ROBO1: variants seen among roughly 807,000 people sequenced by gnomAD.
ROBO1 encodes roundabout homolog 1.
Under a neutral mutation model 195.9 loss-of-function variants are expected in ROBO1, and 149 were observed. The observed-to-expected ratio is 0.76, with a 90% CI of 0.67 to 0.87. The LOEUF is 0.87. ROBO1 is among the 40% of genes least tolerant of loss of function. ROBO1 has a pLI of 0.00. For missense variants in ROBO1, 1,933 were observed against 2,068.3 expected, an observed-to-expected ratio of 0.93 and a Z score of 1.27; for synonymous variants, 816 against 733.2, an observed-to-expected ratio of 1.11 and a Z score of -1.82.
rs1442867790 is a variant in ROBO1 at position 78,668,471 on chromosome 3, C to T, written c.1630+13G>A. On this transcript the variant is annotated intron_variant, in intron 12 of 30. Coordinates refer to ENST00000464233, the MANE Select transcript of ROBO1 (RefSeq NM_002941.4). ...TAAGCTTCACTTTAAGGGAAACACA[C>T]CATTTACTTTACCTTGAACTTCAAT... 6.8e-6 allele frequency: 11 copies of T among 1,613,284 alleles called. No homozygotes were observed. The highest frequency in any genetic ancestry group is 8.5e-6 in the Non-Finnish European group (10 of 1,179,318).
chr3:79,111,372 G>A (rs1278061363), intron 3 of ROBO1, among the ~76,000 whole-genome samples: 1 of 152,110 alleles, frequency 6.6e-6, no homozygotes, highest in Non-Finnish European at 1.5e-5. Flanking sequence ...GGAATTAGCT[G>A]GATGGGTTCA....
chr3:79,335,397 C>T (rs1018430328), intron 2 of ROBO1, among the ~76,000 whole-genome samples: 19 of 152,078 alleles, frequency 1.2e-4, no homozygotes, highest in Admixed American at 3.9e-4. Context: ...GTGTCAAGGG[C>T]GGGACCAGGT....
chr3:79,406,558 TTGTG>T (rs1035447231), intron 2 of ROBO1, among the ~76,000 whole-genome samples: 1 of 151,398 alleles, frequency 6.6e-6, no homozygotes. Context: ...AAGAGATGCA[TTGTG>T]TGTGTGTGTG....
chr3:79,610,717 C>T lies in ROBO1; in HGVS notation c.-50-20756G>A, dbSNP rs943691959. Among the ~76,000 whole-genome samples the T allele has an allele frequency of 6.6e-5, 10 of 152,024 alleles. No homozygotes were observed. The East Asian group carries it at 1.9e-3, about 30-fold the overall frequency. ...ACTTTGCTAGTTAATACACTTTTGG[C>T]CTCAAGTGTCAGAAACCCAGCTCAA... is the stretch of plus-strand genomic sequence containing the variant. On this transcript the variant is annotated intron_variant, in intron 1 of 30. Transcript: ENST00000464233.
At chr3:79,232,771 T>G (rs2082343242) in intron 2 of ROBO1, among the ~76,000 whole-genome samples, 1 of 152,168 alleles carries the variant, frequency 6.6e-6, no homozygotes, top group African/African-American at 2.4e-5. Context: ...TCAAATCTGA[T>G]GAATATTTCA....
At chr3:79,574,166 T>C (rs1011352100) in intron 2 of ROBO1, among the ~76,000 whole-genome samples, 6 of 152,134 alleles carry the variant, frequency 3.9e-5, no homozygotes, top group African/African-American at 1.4e-4. Flanking sequence ...GATATATTCA[T>C]ATAAAATAAT....
intron 2 of ROBO1, among the ~76,000 whole-genome samples, chr3:79,163,874 C>T (rs1293328286): frequency 3.3e-5 from 5 of 152,100 alleles, no homozygotes; most frequent in Non-Finnish European, 1.5e-5. Context: ...TTCCAGCATC[C>T]CCTGATTCTA....
intron 4 of ROBO1, among the ~76,000 whole-genome samples, chr3:78,797,063 A>G (rs1211768463): frequency 2.0e-5 from 3 of 152,060 alleles, no homozygotes; most frequent in South Asian, 4.1e-4. Flanking sequence ...TACAGCTTCT[A>G]TATCTCTTCC....
In ROBO1 at chr3:78,648,223, T is replaced by C. The variant is rs534611850; in HGVS notation, c.2813-568A>G. Among the ~76,000 whole-genome samples the C allele has an allele frequency of 3.3e-5, 5 of 151,828 alleles. No homozygotes were observed. The South Asian group carries it at 8.3e-4, about 25-fold the overall frequency. ...AAGGAAAGGAAAGAAAAAGATGAAC[T>C]GAATAAAAGAGAACCATAAAATTTA... On this transcript the variant is annotated intron_variant, in intron 19 of 30. Transcript: ENST00000464233.
intron 2 of ROBO1, among the ~76,000 whole-genome samples, chr3:79,486,286 C>G (rs1939156917): frequency 6.6e-6 from 1 of 151,360 alleles, no homozygotes; most frequent in Admixed American, 6.6e-5. Flanking sequence ...TTTTGATCTC[C>G]TTGTGGTGTA....
intron 3 of ROBO1, among the ~76,000 whole-genome samples, chr3:78,962,965 T>C (rs1477085240): frequency 2.0e-5 from 3 of 151,844 alleles, no homozygotes; most frequent in Non-Finnish European, 4.4e-5. Context: ...TGCTGGGAAG[T>C]AGTTTAGCAG....
At chr3:79,438,784 C>CT (rs1284005848) in intron 2 of ROBO1, among the ~76,000 whole-genome samples, 6 of 151,956 alleles carry the variant, frequency 3.9e-5, no homozygotes, top group African/African-American at 1.4e-4. Context: ...CATTTTAAAC[C>CT]AATTAGGTCA....
chr3:79,114,830 C>T (rs1166649514), intron 3 of ROBO1, among the ~76,000 whole-genome samples: 9 of 152,230 alleles, frequency 5.9e-5, no homozygotes, highest in Admixed American at 5.9e-4. Flanking sequence ...CACCAAGGGA[C>T]CCATCATGCT....
chr3:79,599,755 T>C lies in ROBO1; in HGVS notation c.-50-9794A>G, dbSNP rs112660312. On this transcript the variant is annotated intron_variant, in intron 1 of 30. Coordinates refer to ENST00000464233, the MANE Select transcript of ROBO1 (RefSeq NM_002941.4). Reference sequence around the variant, plus strand: ...GGATATTATCTTCTTTCACTTTAATTACAGGGTTGCCTCAGGCAGAATTAG... The same window carrying C: ...GGATATTATCTTCTTTCACTTTAATCACAGGGTTGCCTCAGGCAGAATTAG... Among the ~76,000 whole-genome samples, 466 of 152,132 alleles carry C rather than the reference T, an allele frequency of 3.1e-3. 4 individuals are homozygous for C. The highest frequency in any genetic ancestry group is 9.7e-3 in the African/African-American group (402 of 41,552).
chr3:79,451,799 T>G (rs906046373), intron 2 of ROBO1, among the ~76,000 whole-genome samples: 2 of 151,844 alleles, frequency 1.3e-5, no homozygotes, highest in East Asian at 1.9e-4. Flanking sequence ...AAAGGAAACA[T>G]AGAGAAAGGG....
intron 1 of ROBO1, among the ~76,000 whole-genome samples, chr3:79,674,578 C>T (rs1021151969): frequency 9.2e-5 from 14 of 151,904 alleles, no homozygotes; most frequent in Non-Finnish European, 1.2e-4. Context: ...AACTCCCCTT[C>T]AGAGAGGATC....
chr3:78,805,839 C>T (rs1459867125), intron 4 of ROBO1, among the ~76,000 whole-genome samples: 1 of 151,994 alleles, frequency 6.6e-6, no homozygotes, highest in Non-Finnish European at 1.5e-5. Context: ...ATAGTGTAAA[C>T]ATACATTATT....
rs545323227 is a variant in ROBO1, at chr3:79,250,204, G to A, written c.89-124665C>T. Among the ~76,000 whole-genome samples, 11 of 152,284 alleles carry A rather than the reference G, an allele frequency of 7.2e-5. 1 individual carries two copies. The South Asian group carries it at 2.3e-3, about 32-fold the overall frequency. ...AGCTTTGAATGCACACATGCACTAT[G>A]TTAAGTAGAGGAAATATTAAGGAGC... On this transcript the variant is annotated intron_variant, in intron 2 of 30. Coordinates refer to ENST00000464233, the MANE Select transcript of ROBO1 (RefSeq NM_002941.4).
intron 2 of ROBO1, among the ~76,000 whole-genome samples, chr3:79,373,955 C>T (rs1003007413): frequency 9.5e-4 from 144 of 152,096 alleles, no homozygotes; most frequent in Non-Finnish European, 1.3e-4. Context: ...TTTTAATTGG[C>T]TTTTTATCTT....
Sources: gnomAD v4.1 joint callset for allele counts (sites outside exome capture counted in the v4.1 genomes callset) on GRCh38, gnomAD v4.1.1 for gene constraint, MANE v1.5 for transcripts, NCBI Gene and HGNC (gene_info 2026-07-23, HGNC 2026-07-21) for gene names.